Variants in GRM3 observed in about 807,000 individuals in gnomAD.
The protein encoded by GRM3 is metabotropic glutamate receptor 3.
Under a neutral mutation model 70.5 loss-of-function variants are expected in GRM3, and 26 were observed. That is an observed-to-expected ratio of 0.37 (90% confidence interval 0.27 to 0.51). The LOEUF (loss-of-function observed/expected upper bound fraction) is 0.51, where lower values mean the gene tolerates loss of function less well. GRM3 is among the 20% of genes least tolerant of loss of function. The pLI, the probability that GRM3 is intolerant of heterozygous loss-of-function variation, is 0.93. For synonymous variants in GRM3, 443 were observed against 434.9 expected, an observed-to-expected ratio of 1.02 and a Z score of -0.23; for missense variants, 859 against 1,123.8, an observed-to-expected ratio of 0.76 and a Z score of 3.37.
intron 1 of GRM3, among the ~76,000 whole-genome samples, chr7:86,762,017 CCTT>C (rs756603783): frequency 3.9e-5 from 6 of 152,096 alleles, no homozygotes; most frequent in Non-Finnish European, 7.4e-5. Flanking sequence ...GTGTTGATGG[CCTT>C]CTTTTAATTA....
chr7:86,672,550 T>C (rs987008307), intron 1 of GRM3, among the ~76,000 whole-genome samples: 2 of 152,196 alleles, frequency 1.3e-5, no homozygotes, highest in South Asian at 2.1e-4. Context: ...TTCCTCCAGA[T>C]ACGACCTCAT....
chr7:86,810,154 T>C (rs1438539686), intron 3 of GRM3, among the ~76,000 whole-genome samples: 5 of 152,058 alleles, frequency 3.3e-5, no homozygotes, highest in South Asian at 2.1e-4. Context: ...TTAAATCGTC[T>C]TTATTCCTAA....
chr7:86,717,019 C>G (rs1030660037), intron 1 of GRM3, among the ~76,000 whole-genome samples: 1 of 152,050 alleles, frequency 6.6e-6, no homozygotes, highest in Non-Finnish European at 1.5e-5. Flanking sequence ...TTATTTGATA[C>G]TTCCTGCCTC....
intron 2 of GRM3, among the ~76,000 whole-genome samples, chr7:86,780,003 TG>T (rs3831546): frequency 0.076 from 11,519 of 152,282 alleles, 717 homozygotes; most frequent in African/African-American, 0.17. Context: ...AATAGTTTGC[TG>T]AGAATGATGG....
intron 3 of GRM3, among the ~76,000 whole-genome samples, chr7:86,823,206 G>T (rs1798158491): frequency 6.6e-6 from 1 of 152,138 alleles, no homozygotes; most frequent in Non-Finnish European, 1.5e-5. Flanking sequence ...TTGAGGTGCT[G>T]TTCATGTTGT....
intron 1 of GRM3, among the ~76,000 whole-genome samples, chr7:86,675,099 A>G (rs1455954867): frequency 1.3e-5 from 2 of 152,148 alleles, no homozygotes; most frequent in African/African-American, 4.8e-5. Context: ...GTATCCTTAT[A>G]TAAATTAGTA....
At chr7:86,679,911 A>G (rs1352730903) in intron 1 of GRM3, among the ~76,000 whole-genome samples, 1 of 152,152 alleles carries the variant, frequency 6.6e-6, no homozygotes, top group East Asian at 1.9e-4. Flanking sequence ...TATATTCAAC[A>G]TGAACTTTGT....
chr7:86,844,039 G>T (rs1457130702), intron 4 of GRM3, among the ~76,000 whole-genome samples: 2 of 152,178 alleles, frequency 1.3e-5, no homozygotes, highest in Non-Finnish European at 2.9e-5. Flanking sequence ...CATACTTGGA[G>T]TGTCAAGACT....
intron 1 of GRM3, among the ~76,000 whole-genome samples, chr7:86,655,034 A>T (rs1179368971): frequency 6.6e-6 from 1 of 152,236 alleles, no homozygotes; most frequent in Non-Finnish European, 1.5e-5. Flanking sequence ...TGTTAAAAGC[A>T]TTAAATATAA....
In GRM3 at chr7:86,832,244, CCTTT is replaced by C. The variant is rs200728468; in HGVS notation, c.1325-6594_1325-6591del. On this transcript the variant is annotated intron_variant, in intron 3 of 5. Coordinates refer to ENST00000361669, the MANE Select transcript of GRM3 (RefSeq NM_000840.3). The stretch of plus-strand genomic sequence containing the variant: ...ATTGGAGCCATGTTCCTGCTTGTAG[CCTTT>C]TTTTTTTTTTTTTTTTTTTGAGTTG... Among the ~76,000 whole-genome samples, 7 of 141,564 alleles carry C rather than the reference CCTTT, an allele frequency of 4.9e-5. No homozygotes were observed. The East Asian group carries it at 6.1e-4, about 12-fold the overall frequency. The allele number at this position is 141,564 out of a possible 152,430, so 92.9% of individuals were successfully genotyped here. A position where few individuals can be genotyped will look rare whatever the true frequency, so the allele number is the denominator to read the frequency against.
At chr7:86,648,264 A>G (rs1793526465) in intron 1 of GRM3, among the ~76,000 whole-genome samples, 1 of 152,214 alleles carries the variant, frequency 6.6e-6, no homozygotes, top group South Asian at 2.1e-4. Context: ...TTAATGACCT[A>G]TGTGAATATT....
At chr7:86,719,795 C>CTAT (rs1795412356) in intron 1 of GRM3, among the ~76,000 whole-genome samples, 1 of 151,954 alleles carries the variant, frequency 6.6e-6, no homozygotes, top group Non-Finnish European at 1.5e-5. Context: ...TCATAGAGGA[C>CTAT]TATTCCATGA....
chr7:86,797,531 G>C (rs1219301051), intron 3 of GRM3, among the ~76,000 whole-genome samples: 1 of 152,132 alleles, frequency 6.6e-6, no homozygotes, highest in East Asian at 1.9e-4. Context: ...TGCTGTTAAA[G>C]GCATTCAGTT....
chr7:86,786,746 C>T lies in GRM3; in HGVS notation c.954C>T (p.Tyr318=), dbSNP rs1797259475. 5.6e-6 allele frequency: 9 copies of T among 1,613,648 alleles called. No homozygotes were observed. Among genetic ancestry groups the T allele is most frequent in the African/African-American group, 1.3e-5 (1 of 75,062 alleles). Residue 318 remains tyrosine (Y), a synonymous_variant, in exon 3 of 6, where the codon TAC becomes TAT. Transcript: ENST00000361669. This position sits in a 1 kb window ranked among gnomAD's most constrained non-coding sequence, Gnocchi z 6.0. ...TCAAGGGCAGCGAGCATGTGGCCTA[C>T]GGCGCCATCACCCTGGAGCTGGCCT... ...SIIKGSEHVA[Y]GAITLELASQ... is the part of the protein sequence containing the mutation.
At chr7:86,690,541 C>T (rs1278810969) in intron 1 of GRM3, among the ~76,000 whole-genome samples, 2 of 152,028 alleles carry the variant, frequency 1.3e-5, no homozygotes, top group African/African-American at 2.4e-5. Flanking sequence ...TTAAAGCAGA[C>T]ATATGTGAAA....
At chr7:86,647,427 A>G (rs903950424) in intron 1 of GRM3, among the ~76,000 whole-genome samples, 2 of 152,158 alleles carry the variant, frequency 1.3e-5, no homozygotes, top group Admixed American at 6.5e-5. Context: ...ATTCTACTAA[A>G]CAAAAGAAAT....
intron 1 of GRM3, among the ~76,000 whole-genome samples, chr7:86,678,684 C>T (rs147369231): frequency 3.7e-4 from 57 of 152,132 alleles, no homozygotes; most frequent in African/African-American, 1.1e-3. Flanking sequence ...TGGACAAGTA[C>T]GTATCCAGTT....
At chr7:86,723,799 C>G (rs543092379) in intron 1 of GRM3, among the ~76,000 whole-genome samples, 6 of 152,152 alleles carry the variant, frequency 3.9e-5, no homozygotes, top group African/African-American at 1.4e-4. Context: ...ACCTTGTTCC[C>G]CAGCTCCACC....
At chr7:86,691,279 C>T (rs906214834) in intron 1 of GRM3, among the ~76,000 whole-genome samples, 1 of 152,122 alleles carries the variant, frequency 6.6e-6, no homozygotes, top group Admixed American at 6.6e-5. Context: ...ATTTGTCTTC[C>T]GGTTTCTACC....
Sources: allele counts gnomAD v4.1 joint callset (sites outside exome capture counted in the v4.1 genomes callset), GRCh38; gene constraint gnomAD v4.1.1; non-coding constraint Gnocchi (gnomAD v3.1); transcripts MANE v1.5; gene names NCBI Gene and HGNC (gene_info 2026-07-23, HGNC 2026-07-21).